The following SHC2 variants were observed in gnomAD, a reference collection of about 807,000 sequenced individuals.
SHC2 encodes SHC adaptor protein 2.
A neutral mutation model predicts 60.6 loss-of-function variants in SHC2; 62 were observed. The observed-to-expected ratio is 1.02, with a 90% CI of 0.83 to 1.26. The LOEUF is 1.26. Among genes scored for constraint, SHC2 ranks in the 50% most tolerant of loss-of-function variants. The pLI is 0.00. For missense variants in SHC2, 873 were observed against 822.2 expected, an observed-to-expected ratio of 1.06 and a Z score of -0.76; for synonymous variants, 375 against 372.4, an observed-to-expected ratio of 1.01 and a Z score of -0.08.
intron 11 of SHC2, among the ~76,000 whole-genome samples, chr19:420,730 T>G (rs1181302608): frequency 6.6e-6 from 1 of 152,154 alleles, no homozygotes; most frequent in African/African-American, 2.4e-5. Context: ...ATATCAAAAT[T>G]CAGGCGGGGA....
chr19:450,416 TCCCG>T (rs1291504990), intron 1 of SHC2, among the ~76,000 whole-genome samples: 1 of 152,186 alleles, frequency 6.6e-6, no homozygotes, highest in South Asian at 2.1e-4. Context: ...CTCAGCGCAT[TCCCG>T]TGGCTGTGCA....
chr19:421,462 A>AGG (rs1052575513), intron 11 of SHC2, among the ~76,000 whole-genome samples: 7 of 66,342 alleles, frequency 1.1e-4, no homozygotes, highest in African/African-American at 3.6e-4. Context: ...AGGGAGGGAG[A>AGG]GAGGGAGGAA....
At chr19:421,683 C>A (rs562827027) in intron 11 of SHC2, among the ~76,000 whole-genome samples, 2 of 152,016 alleles carry the variant, frequency 1.3e-5, no homozygotes, top group Admixed American at 6.6e-5. Flanking sequence ...AACTGGGAGG[C>A]CAAGGCAGGA....
At chr19:447,200 C>T (rs945222204) in intron 1 of SHC2, among the ~76,000 whole-genome samples, 2 of 152,148 alleles carry the variant, frequency 1.3e-5, no homozygotes, top group Non-Finnish European at 1.5e-5. Flanking sequence ...CGTGAGGACG[C>T]CGGACAGGAA....
At chr19:429,520 C>A (rs980749990) in intron 9 of SHC2, among the ~76,000 whole-genome samples, 1 of 147,966 alleles carries the variant, frequency 6.8e-6, no homozygotes, top group Non-Finnish European at 1.5e-5. Context: ...AACCTAACAC[C>A]GTGTGGATGA....
chr19:453,873 G>T lies in SHC2; in HGVS notation c.468+6656C>A, dbSNP rs978869257. On this transcript the variant is annotated intron_variant, in intron 1 of 12. Coordinates refer to ENST00000264554, the MANE Select transcript of SHC2 (RefSeq NM_012435.3). The surrounding 1 kb of genome is among the most constrained non-coding windows in gnomAD (Gnocchi z 6.3). ...CTGAAGTGCTCACGAGGTGAGGTGC[G>T]TGAGGGCACCGCAGAGAGCAGGACG... Among the ~76,000 whole-genome samples the T allele has an allele frequency of 2.6e-5, 4 of 152,204 alleles. No homozygotes were observed. The highest frequency in any genetic ancestry group is 6.5e-5 in the Admixed American group (1 of 15,284).
In SHC2 at chr19:430,742, T is replaced by C; in HGVS notation, c.1116A>G (p.Pro372=). 2 of 1,613,008 alleles carry C rather than the reference T, an allele frequency of 1.2e-6. No homozygotes were observed. Among genetic ancestry groups the C allele is most frequent in the Non-Finnish European group, 1.7e-6 (2 of 1,179,792 alleles). The change falls in exon 9 of 13, where the codon CCA becomes CCG. Residue 372 remains proline, a synonymous_variant. Transcript: ENST00000264554. ...PCALTALDQG[P]SPSLRDACSL... Reference sequence around the variant, plus strand: ...TGCAGGCATCTCTTAGAGAAGGAGATGGGCCCTGGAAACAGAGCAGTGAGA... The same window carrying C: ...TGCAGGCATCTCTTAGAGAAGGAGACGGGCCCTGGAAACAGAGCAGTGAGA...
At position 425,491 on chromosome 19, in the gene SHC2, C is replaced by T. The variant is rs905112808; in HGVS notation, c.1175-260G>A. Among the ~76,000 whole-genome samples, 3 of 152,202 alleles carry T rather than the reference C, an allele frequency of 2.0e-5. No homozygotes were observed. Among genetic ancestry groups the T allele is most frequent in the Non-Finnish European group, 4.4e-5 (3 of 68,030 alleles). ...TGCGGCTGGGGCTGTGGGCACCAGA[C>T]GTCCACGCCCAGGGAGAAGGCAGCC... On this transcript the variant is annotated intron_variant, in intron 9 of 12. Transcript: ENST00000264554. This position sits in a 1 kb window ranked among gnomAD's most constrained non-coding sequence, Gnocchi z 4.1.
chr19:446,552 G>A lies in SHC2; in HGVS notation c.469-5620C>T, dbSNP rs114508769. Reference sequence around the variant, plus strand: ...TCTCGATCTCTTGACCTTGTGATCCGCCTCGGTCTCCCAAAGTGCTGGGAC... The same window carrying A: ...TCTCGATCTCTTGACCTTGTGATCCACCTCGGTCTCCCAAAGTGCTGGGAC... On this transcript the variant is annotated intron_variant, in intron 1 of 12. Coordinates refer to ENST00000264554, the MANE Select transcript of SHC2 (RefSeq NM_012435.3). This position sits in a 1 kb window ranked among gnomAD's most constrained non-coding sequence, Gnocchi z 5.4. Among the ~76,000 whole-genome samples the A allele has an allele frequency of 9.7e-3, 1,471 of 152,118 alleles. 28 individuals carry two copies. Among genetic ancestry groups the A allele is most frequent in the African/African-American group, 0.033 (1,379 of 41,478 alleles).
In SHC2 at chr19:442,944, T is replaced by TG. The variant is rs1568292962; in HGVS notation, c.469-2013dup. On this transcript the variant is annotated intron_variant, in intron 1 of 12. Transcript: ENST00000264554. ...GTGGATGGGTGGATGGATGGGTGGGTGAATGGATGGATGGACGGGTGGGTG... is the reference window on the plus strand; with the variant it reads ...GTGGATGGGTGGATGGATGGGTGGGTGGAATGGATGGATGGACGGGTGGGTG... Among the ~76,000 whole-genome samples, 13 of 104,348 alleles carry TG rather than the reference T, an allele frequency of 1.2e-4. 1 individual carries two copies. The highest frequency in any genetic ancestry group is 2.3e-4 in the African/African-American group (6 of 25,818). 68.5% of individuals were successfully genotyped at this position (104,348 alleles called of 152,430 possible).
chr19:450,160 C>T (rs912764603), intron 1 of SHC2, among the ~76,000 whole-genome samples: 1 of 152,102 alleles, frequency 6.6e-6, no homozygotes, highest in African/African-American at 2.4e-5. Flanking sequence ...CGAGGCTGGG[C>T]AGCCGGCGCT....
Position 440,911 on chromosome 19 carries a change from G to A in SHC2, c.490C>T (p.Leu164Phe), listed in dbSNP as rs1428573681. The change falls in exon 2 of 13, where the codon CTC (leucine) becomes TTC (phenylalanine). Residue 164 changes from leucine (L) to phenylalanine (F), a missense_variant. Coordinates refer to ENST00000264554, the MANE Select transcript of SHC2 (RefSeq NM_012435.3). The surrounding 1 kb of genome is among the most constrained non-coding windows in gnomAD (Gnocchi z 7.0). ...AAGTCCAGGGAGCGCATAGAGCGGA[G>A]AACCTCGATGCAGCCCATGTACTGA... Reference protein sequence around the residue: ...VVRYMGCIEVLRSMRSLDFNT... With the variant: ...VVRYMGCIEVFRSMRSLDFNT... 1.2e-6 allele frequency: 2 copies of A among 1,612,812 alleles called. No individual in the cohort carries two copies. Among genetic ancestry groups the A allele is most frequent in the Admixed American group, 3.3e-5 (2 of 60,024 alleles).
In SHC2 at chr19:445,233, AG is replaced by A. The variant is rs1975024416; in HGVS notation, c.469-4302del. Among the ~76,000 whole-genome samples the A allele has an allele frequency of 6.6e-6, 1 of 152,230 alleles. No individual in the cohort carries two copies. The highest frequency in any genetic ancestry group is 6.5e-5 in the Admixed American group (1 of 15,288). ...TATGCCCCACTGTGAGGGTATTTAA[AG>A]GTGGGCCTTTGGGAGGTGAGGAGGC... is the stretch of plus-strand genomic sequence containing the variant. On this transcript the variant is annotated intron_variant, in intron 1 of 12. Coordinates refer to ENST00000264554, the MANE Select transcript of SHC2 (RefSeq NM_012435.3). The surrounding 1 kb of genome is among the most constrained non-coding windows in gnomAD (Gnocchi z 4.4).
chr19:430,444 G>A (rs1021164189), intron 9 of SHC2, among the ~76,000 whole-genome samples: 4 of 151,838 alleles, frequency 2.6e-5, no homozygotes, highest in Non-Finnish European at 4.4e-5. Flanking sequence ...CAACATGCAC[G>A]GAAACCTAAT....
rs567695322 is a variant in SHC2 at position 440,741 on chromosome 19, G to A, written c.539+121C>T. On this transcript the variant is annotated intron_variant, in intron 2 of 12. Transcript: ENST00000264554. The surrounding 1 kb of genome is among the most constrained non-coding windows in gnomAD (Gnocchi z 7.0). ...AAGTGGGAGGGAGGTGGGGGGCACC[G>A]AGGCTGCGTCCTGGGACCCCAGCGC... 35 of 821,320 alleles carry A rather than the reference G, an allele frequency of 4.3e-5. No individual in the cohort carries two copies. Among genetic ancestry groups the A allele is most frequent in the African/African-American group, 8.3e-5 (5 of 60,304 alleles). 50.9% of individuals were successfully genotyped at this position (821,320 alleles called of 1,614,324 possible).
At position 422,301 on chromosome 19, in the gene SHC2, G is replaced by A. The variant is rs945906646; in HGVS notation, c.1465C>T (p.His489Tyr). ...GCCGCCCGGCGGCTCATCCGGCCGTGGTACCAGGGCTCCTGACGCAGCTGT... is the reference window on the plus strand; with the variant it reads ...GCCGCCCGGCGGCTCATCCGGCCGTAGTACCAGGGCTCCTGACGCAGCTGT... ...EEQLRQEPWYHGRMSRRAAER... is the reference protein window; with the variant it reads ...EEQLRQEPWYYGRMSRRAAER... Residue 489 changes from histidine (H) to tyrosine (Y), a missense_variant, in exon 11 of 13, where the codon CAC becomes TAC. His to Tyr is a moderately conservative substitution (Grantham distance 83, BLOSUM62 2). Transcript: ENST00000264554. The surrounding 1 kb of genome is among the most constrained non-coding windows in gnomAD (Gnocchi z 5.0). The A allele has an allele frequency of 6.2e-6, 10 of 1,611,892 alleles. No homozygotes were observed. Among genetic ancestry groups the A allele is most frequent in the Non-Finnish European group, 7.6e-6 (9 of 1,179,554 alleles).
chr19:419,713 A>G (rs1974226949), intron 11 of SHC2: 1 of 152,280 alleles, frequency 6.6e-6, no homozygotes, highest in Admixed American at 6.5e-5. Context: ...GCTCCAGGAA[A>G]CACACCCCTG....
intron 1 of SHC2, 139 bp downstream of exon 1, chr19:460,390 A>G: frequency 3.5e-6 from 1 of 284,824 alleles, no homozygotes. Flanking sequence ...CCGGCCGGGG[A>G]TGGGGGTCCG....
chr19:446,891 C>G lies in SHC2; in HGVS notation c.469-5959G>C, dbSNP rs534385972. Among the ~76,000 whole-genome samples, 97 of 152,304 alleles carry G rather than the reference C, an allele frequency of 6.4e-4. No homozygotes were observed. Among genetic ancestry groups the G allele is most frequent in the African/African-American group, 2.2e-3 (93 of 41,570 alleles). On this transcript the variant is annotated intron_variant, in intron 1 of 12. Transcript: ENST00000264554. This position sits in a 1 kb window ranked among gnomAD's most constrained non-coding sequence, Gnocchi z 5.4. ...CAGATACAAGCCGAGGTCCCCATGT[C>G]TGCACTCCCAGCCTGGGAGACCGTC...
Sources: allele counts gnomAD v4.1 joint callset (sites outside exome capture counted in the v4.1 genomes callset), GRCh38; gene constraint gnomAD v4.1.1; non-coding constraint Gnocchi (gnomAD v3.1); transcripts MANE v1.5; gene names NCBI Gene and HGNC (gene_info 2026-07-23, HGNC 2026-07-21).